ZBBX: variants seen among roughly 807,000 people sequenced by gnomAD.
ZBBX encodes zinc finger B-box domain containing.
ZBBX carries 101 observed loss-of-function variants against 108.5 expected under a neutral mutation model. That is an observed-to-expected ratio of 0.93 (90% confidence interval 0.79 to 1.10). ZBBX has a LOEUF of 1.10. Ranked by LOEUF, ZBBX falls within the 50% of genes least tolerant of loss-of-function variation. ZBBX has a pLI of 0.00. For synonymous variants in ZBBX, 356 were observed against 323.4 expected (o/e 1.10, Z -1.08); for missense variants, 1,009 against 941.4 (o/e 1.07, Z -0.94).
At chr3:167,320,374 C>T (rs1011303621) in intron 12 of ZBBX, among the ~76,000 whole-genome samples, 2 of 151,552 alleles carry the variant, frequency 1.3e-5, no homozygotes, top group South Asian at 2.1e-4. Context: ...ATATCAATCC[C>T]CAAAATAAAA....
intron 19 of ZBBX, among the ~76,000 whole-genome samples, chr3:167,284,636 A>C (rs13062636): frequency 6.6e-6 from 1 of 152,178 alleles, no homozygotes; most frequent in East Asian, 1.9e-4. Flanking sequence ...TTTGATTGCC[A>C]CAGTATTTAA....
At chr3:167,259,617 T>C (rs1724115064) in intron 20 of ZBBX, among the ~76,000 whole-genome samples, 1 of 152,162 alleles carries the variant, frequency 6.6e-6, no homozygotes, top group South Asian at 2.1e-4. Flanking sequence ...TTCAGGGCTA[T>C]GAACTTTCCT....
intron 1 of ZBBX, among the ~76,000 whole-genome samples, chr3:167,386,172 A>T (rs73169194): frequency 0.031 from 4,661 of 152,130 alleles, 102 homozygotes; most frequent in Non-Finnish European, 0.047. Flanking sequence ...AAAATAAAGG[A>T]TGGAAGTAGA....
chr3:167,330,965 C>CTCTCTCTCTCTCTCTCTCT (rs1738494843), intron 10 of ZBBX, among the ~76,000 whole-genome samples: 8 of 146,912 alleles, frequency 5.4e-5, no homozygotes, highest in African/African-American at 2.0e-4. Flanking sequence ...CTCTCTCTCT[C>CTCTCTCTCTCTCTCTCTCT]CCCCACTCCC....
At chr3:167,213,556 A>G in the ZBBX span, among the ~76,000 whole-genome samples, 2 of 152,314 alleles carry the variant, frequency 1.3e-5, no homozygotes, top group African/African-American at 2.4e-5. Flanking sequence ...TAAAGAGACC[A>G]TATCTATGAA....
intron 1 of ZBBX, among the ~76,000 whole-genome samples, chr3:167,389,030 A>G (rs1049084876): frequency 4.6e-5 from 7 of 151,920 alleles, no homozygotes; most frequent in Non-Finnish European, 8.8e-5. Flanking sequence ...TTACATAGGT[A>G]TACATGTACC....
chr3:167,393,753 TTATC>T (rs1748147997), intron 1 of ZBBX, among the ~76,000 whole-genome samples: 1 of 151,916 alleles, frequency 6.6e-6, no homozygotes, highest in South Asian at 2.1e-4. Context: ...TAAAATGCAA[TTATC>T]TCACTTCTAT....
Position 167,350,437 on chromosome 3 carries a change from T to C in ZBBX, c.511A>G (p.Arg171Gly). ...AGCCATACCTGCAAAAGAGTTGTTC[T>C]GTGGAGCTTTAGTGCCCCTTTCTGG... ...VHQKGALKLH[R>G]TTLLQAKSQI... The change falls in exon 9 of 22, where the codon AGA becomes GGA. Residue 171 changes from arginine (R) to glycine (G), a missense_variant. Arg to Gly is a moderately radical substitution (Grantham distance 125, BLOSUM62 -2). Coordinates refer to ENST00000675490, the MANE Select transcript of ZBBX (RefSeq NM_001199201.2). 6.3e-7 allele frequency: 1 copy of C among 1,594,934 alleles called. No individual in the cohort carries two copies. The highest frequency in any genetic ancestry group is 1.1e-5 in the South Asian group (1 of 87,694).
the ZBBX span, among the ~76,000 whole-genome samples, chr3:167,202,174 G>A: frequency 5.3e-5 from 8 of 152,188 alleles, 1 homozygote; most frequent in South Asian, 1.7e-3. Context: ...AGTGAGAGAA[G>A]GGCTTGAACC....
intron 11 of ZBBX, 28 bp downstream of exon 11, chr3:167,327,914 A>AAC: frequency 3.2e-6 from 1 of 309,010 alleles, no homozygotes; most frequent in Admixed American, 1.7e-4. Context: ...ACTCTGTCTC[A>AAC]AAAAAAAAAA....
chr3:167,227,579 T>C, the ZBBX span, among the ~76,000 whole-genome samples: 1 of 151,708 alleles, frequency 6.6e-6, no homozygotes, highest in Non-Finnish European at 1.5e-5. Context: ...AAAAAAAATT[T>C]TGAAACATTT....
intron 18 of ZBBX, among the ~76,000 whole-genome samples, chr3:167,293,431 A>G (rs938189155): frequency 1.3e-5 from 2 of 152,148 alleles, no homozygotes; most frequent in Non-Finnish European, 2.9e-5. Flanking sequence ...TAAACAGAAC[A>G]AATGACAAAA....
intron 9 of ZBBX, among the ~76,000 whole-genome samples, chr3:167,344,131 G>C (rs1343671281): frequency 6.6e-6 from 1 of 151,822 alleles, no homozygotes; most frequent in Non-Finnish European, 1.5e-5. Context: ...GGCCACATAT[G>C]ACATGATTCT....
At chr3:167,193,171 C>T in the ZBBX span, among the ~76,000 whole-genome samples, 1 of 152,102 alleles carries the variant, frequency 6.6e-6, no homozygotes, top group Non-Finnish European at 1.5e-5. Context: ...CTTTTTTCCC[C>T]ACTAGGTTAT....
At chr3:167,242,078 T>C (rs1720768028) in intron 21 of ZBBX, among the ~76,000 whole-genome samples, 1 of 152,188 alleles carries the variant, frequency 6.6e-6, no homozygotes, top group Admixed American at 6.5e-5. Context: ...TATGTTATTG[T>C]TAATTTTCTA....
chr3:167,188,961 A>T, the ZBBX span, among the ~76,000 whole-genome samples: 2 of 152,204 alleles, frequency 1.3e-5, no homozygotes, highest in Admixed American at 1.3e-4. Flanking sequence ...GACAAAAGCT[A>T]CAGGTGATTT....
chr3:167,370,779 T>C (rs1265690371), intron 4 of ZBBX, among the ~76,000 whole-genome samples: 1 of 152,176 alleles, frequency 6.6e-6, no homozygotes, highest in East Asian at 1.9e-4. Flanking sequence ...ATTTATTGTT[T>C]AAGAGATTTC....
intron 11 of ZBBX, among the ~76,000 whole-genome samples, chr3:167,322,519 TACAA>T (rs1405655757): frequency 1.3e-5 from 2 of 151,992 alleles, no homozygotes; most frequent in South Asian, 2.1e-4. Flanking sequence ...AAATTATAAA[TACAA>T]ACATTCATTG....
intron 9 of ZBBX, among the ~76,000 whole-genome samples, chr3:167,347,648 G>A (rs1345446766): frequency 6.6e-6 from 1 of 151,958 alleles, no homozygotes; most frequent in Non-Finnish European, 1.5e-5. Flanking sequence ...TAGTAATTCC[G>A]TTAGGTGAAA....
Sources: allele counts gnomAD v4.1 joint callset (sites outside exome capture counted in the v4.1 genomes callset), GRCh38; gene constraint gnomAD v4.1.1; transcripts MANE v1.5; gene names NCBI Gene and HGNC (gene_info 2026-07-23, HGNC 2026-07-21).